The following NRG1 variants were observed in gnomAD, a reference collection of about 807,000 sequenced individuals.
NRG1 encodes the protein pro-neuregulin-1, membrane-bound isoform.
NRG1 carries 18 observed loss-of-function variants against 63.8 expected under a neutral mutation model. The ratio of observed to expected loss-of-function variants is 0.28; its 90% confidence interval spans 0.19 to 0.42. The LOEUF (loss-of-function observed/expected upper bound fraction) is 0.42, where lower values mean the gene tolerates loss of function less well. Ranked by LOEUF, NRG1 falls within the 10% of genes least tolerant of loss-of-function variation. The pLI is 1.00. For synonymous variants in NRG1, 302 were observed against 301.3 expected (o/e 1.00, Z -0.02); for missense variants, 762 against 814.7 (o/e 0.94, Z 0.79).
rs756489856 is a variant in NRG1 at position 32,463,874 on chromosome 8, CTTTTTTTTTTTTTTTTTTTT to C, written c.38-131934_38-131915del. Among the ~76,000 whole-genome samples, 284 of 42,348 alleles carry C rather than the reference CTTTTTTTTTTTTTTTTTTTT, an allele frequency of 6.7e-3. 8 individuals carry two copies. The highest frequency in any genetic ancestry group is 0.021 in the African/African-American group (221 of 10,338). 27.8% of individuals were successfully genotyped at this position (42,348 alleles called of 152,430 possible). ...ACACACACGAAAAAAACTTAGAATT[CTTTTTTTTTTTTTTTTTTTT>C]TTTTTTTTTTTTTTTTTTTGGGGGA... is the stretch of plus-strand genomic sequence containing the variant. On this transcript the variant is annotated intron_variant, in intron 1 of 10. Coordinates refer to the NRG1 transcript ENST00000519301.
chr8:31,920,186 A>G lies in NRG1; in HGVS notation c.37+280755A>G, dbSNP rs767754373. Among the ~76,000 whole-genome samples, 11 of 152,116 alleles carry G rather than the reference A, an allele frequency of 7.2e-5. 1 individual carries two copies. The highest frequency in any genetic ancestry group is 1.6e-4 in the Non-Finnish European group (11 of 68,012). On this transcript the variant is annotated intron_variant, in intron 1 of 10. Transcript: ENST00000519301. Reference sequence around the variant, plus strand: ...AAAAAAGGAATTCCACTTGAGCTGTAATTTTGTTTTATTTGCTTAGCGTAG... The same window carrying G: ...AAAAAAGGAATTCCACTTGAGCTGTGATTTTGTTTTATTTGCTTAGCGTAG...
intron 6 of NRG1, among the ~76,000 whole-genome samples, chr8:32,732,001 T>C (rs1823792213): frequency 6.6e-6 from 1 of 152,218 alleles, no homozygotes; most frequent in African/African-American, 2.4e-5. Flanking sequence ...AAGTAGAAGA[T>C]GTTACAGCAA....
chr8:32,393,227 C>T (rs1812004395), intron 1 of NRG1, among the ~76,000 whole-genome samples: 1 of 152,038 alleles, frequency 6.6e-6, no homozygotes, highest in Admixed American at 6.6e-5. Flanking sequence ...CACAAAATAC[C>T]ATCTTCCTCT....
At chr8:32,723,802 GGGGCAGGCTGAAAGGAAGAAAGAAGAA>G (rs1821346073) in intron 5 of NRG1, among the ~76,000 whole-genome samples, 1 of 151,194 alleles carries the variant, frequency 6.6e-6, no homozygotes, top group South Asian at 2.1e-4. Flanking sequence ...AAGGGAGGGA[GGGGCAGGCTGAAAGGAAGAAAGAAGAA>G]GGGCATGAAG....
chr8:32,354,537 G>T (rs925274109), intron 1 of NRG1, among the ~76,000 whole-genome samples: 1 of 152,040 alleles, frequency 6.6e-6, no homozygotes, highest in East Asian at 1.9e-4. Context: ...GTTTATTACT[G>T]GGATTGTGTT....
At chr8:32,343,878 G>A (rs117470596) in intron 1 of NRG1, among the ~76,000 whole-genome samples, 9,047 of 152,296 alleles carry the variant, frequency 0.059, 368 homozygotes, top group Non-Finnish European at 0.089. Flanking sequence ...ATCAGATTCT[G>A]TAAGATGTGA....
chr8:32,036,645 T>C (rs1176167126), intron 1 of NRG1, among the ~76,000 whole-genome samples: 1 of 152,222 alleles, frequency 6.6e-6, no homozygotes, highest in Non-Finnish European at 1.5e-5. Flanking sequence ...TTCTTTTTTC[T>C]CTAATCTTGG....
chr8:32,379,693 AAATCC>A (rs1810097095), intron 1 of NRG1, among the ~76,000 whole-genome samples: 1 of 152,198 alleles, frequency 6.6e-6, no homozygotes, highest in African/African-American at 2.4e-5. Context: ...AGATATTAAC[AAATCC>A]TATCAGTTGA....
At chr8:32,374,814 G>T (rs1040180996) in intron 1 of NRG1, among the ~76,000 whole-genome samples, 1 of 152,094 alleles carries the variant, frequency 6.6e-6, no homozygotes, top group African/African-American at 2.4e-5. Context: ...AACAGGCCAG[G>T]TCTCTGTAAT....
intron 1 of NRG1, among the ~76,000 whole-genome samples, chr8:31,830,736 A>G (rs1229082529): frequency 1.3e-5 from 2 of 151,086 alleles, no homozygotes; most frequent in Non-Finnish European, 2.9e-5. Flanking sequence ...TGGTATACCT[A>G]CTCCTCCTAC....
chr8:32,681,921 A>T (rs1025089339), intron 5 of NRG1, among the ~76,000 whole-genome samples: 11 of 152,186 alleles, frequency 7.2e-5, no homozygotes. Flanking sequence ...GCAAAATGAG[A>T]TAGATAACGT....
At chr8:31,754,385 C>G (rs990361824) in intron 1 of NRG1, among the ~76,000 whole-genome samples, 1 of 152,038 alleles carries the variant, frequency 6.6e-6, no homozygotes, top group Non-Finnish European at 1.5e-5. Flanking sequence ...GCGTGTGATG[C>G]TTCGCCCCTC....
intron 1 of NRG1, among the ~76,000 whole-genome samples, chr8:31,872,804 A>T (rs781302973): frequency 1.3e-5 from 2 of 152,238 alleles, no homozygotes; most frequent in Non-Finnish European, 2.9e-5. Flanking sequence ...GGGATGACAA[A>T]TAATGAAGCA....
At position 32,706,352 on chromosome 8, in the gene NRG1, G is replaced by A. The variant is rs1456194506; in HGVS notation, c.503-21597G>A. ...TTATTTTTCTACTGCTAGATAAATGGGACTTATAAGTAGCTGAGTAGGCAA... is the reference window on the plus strand; with the variant it reads ...TTATTTTTCTACTGCTAGATAAATGAGACTTATAAGTAGCTGAGTAGGCAA... On this transcript the variant is annotated intron_variant, in intron 5 of 11. Transcript: ENST00000356819. 2.0e-5 allele frequency among the ~76,000 whole-genome samples: 3 copies of A among 152,194 alleles called. No individual in the cohort carries two copies. In the East Asian group the frequency reaches 5.8e-4, roughly 29 times the overall value.
chr8:31,665,136 T>A (rs1451902932), intron 1 of NRG1, among the ~76,000 whole-genome samples: 1 of 152,178 alleles, frequency 6.6e-6, no homozygotes. Context: ...TTGGGCACTT[T>A]ACACATCACA....
At chr8:32,693,113 T>G (rs1462710644) in intron 5 of NRG1, among the ~76,000 whole-genome samples, 1 of 152,046 alleles carries the variant, frequency 6.6e-6, no homozygotes, top group Non-Finnish European at 1.5e-5. Context: ...TGCACATACA[T>G]AAAATCCTAG....
At chr8:32,435,395 GCT>G (rs1818664293) in intron 1 of NRG1, among the ~76,000 whole-genome samples, 1 of 152,170 alleles carries the variant, frequency 6.6e-6, no homozygotes, top group Non-Finnish European at 1.5e-5. Flanking sequence ...TATGGTAATA[GCT>G]CAAGTCAATG....
chr8:31,708,702 C>T (rs1811418966), intron 1 of NRG1, among the ~76,000 whole-genome samples: 1 of 152,062 alleles, frequency 6.6e-6, no homozygotes, highest in South Asian at 2.1e-4. Context: ...GCCTCGGCCT[C>T]CCAAAGTGCT....
intron 1 of NRG1, among the ~76,000 whole-genome samples, chr8:31,647,584 G>T (rs550502140): frequency 6.6e-5 from 10 of 152,214 alleles, no homozygotes; most frequent in Non-Finnish European, 1.5e-4. Flanking sequence ...TTTCTCATTA[G>T]CCTTGGGAAG....
Sources: allele counts gnomAD v4.1 joint callset (sites outside exome capture counted in the v4.1 genomes callset), GRCh38; gene constraint gnomAD v4.1.1; transcripts MANE v1.5; gene names NCBI Gene and HGNC (gene_info 2026-07-23, HGNC 2026-07-21).